RETREG1: variants seen among roughly 807,000 people sequenced by gnomAD.
RETREG1 encodes the protein family with sequence similarity 134 member B.
Under a neutral mutation model 54.8 loss-of-function variants are expected in RETREG1, and 44 were observed. The observed-to-expected ratio is 0.80, with a 90% CI of 0.63 to 1.03. The LOEUF is 1.03. RETREG1 is among the 50% of genes least tolerant of loss of function. The pLI is 0.00. For synonymous variants in RETREG1, 217 were observed against 238.5 expected, an observed-to-expected ratio of 0.91 and a Z score of 0.83; for missense variants, 554 against 605.1, an observed-to-expected ratio of 0.92 and a Z score of 0.89.
intron 3 of RETREG1, among the ~76,000 whole-genome samples, chr5:16,503,210 C>T (rs1739792025): frequency 6.6e-6 from 1 of 152,194 alleles, no homozygotes; most frequent in Admixed American, 6.5e-5. Context: ...GCAAAACAAA[C>T]TCAACAAACT....
intron 1 of RETREG1, among the ~76,000 whole-genome samples, chr5:16,578,327 T>C (rs1742392282): frequency 6.6e-6 from 1 of 152,276 alleles, no homozygotes; most frequent in Non-Finnish European, 1.5e-5. Context: ...TACAATTTGC[T>C]AGATTTATAA....
chr5:16,572,141 G>T (rs1230925787), intron 1 of RETREG1, 39 bp from the exon 2 acceptor site: 1 of 1,485,186 alleles, frequency 6.7e-7, no homozygotes. Flanking sequence ...TCAATTTGAG[G>T]ATTTTTAACC....
At chr5:16,614,294 T>C (rs1743431652) in intron 1 of RETREG1, among the ~76,000 whole-genome samples, 1 of 152,224 alleles carries the variant, frequency 6.6e-6, no homozygotes, top group Non-Finnish European at 1.5e-5. Flanking sequence ...CTAAAGTCTT[T>C]AATATAAAAA....
At chr5:16,546,307 A>G (rs969450111) in intron 3 of RETREG1, among the ~76,000 whole-genome samples, 4 of 152,084 alleles carry the variant, frequency 2.6e-5, no homozygotes, top group African/African-American at 9.7e-5. Context: ...AGCTGGAACC[A>G]CAGGCGGTGT....
Position 16,474,794 on chromosome 5 carries a change from G to A in RETREG1, c.1441C>T (p.Gln481Ter). 6.2e-7 allele frequency: 1 copy of A among 1,612,242 alleles called. No homozygotes were observed. The highest frequency in any genetic ancestry group is 8.5e-7 in the Non-Finnish European group (1 of 1,179,742). ...GLTQDQEAEAQQNKKSSGFLS... is the reference protein window; with the variant it reads ...GLTQDQEAEA ...AAACCTGAAGACTTCTTATTTTGCT[G>A]TGCTTCTGCTTCCTGGTCTTGTGTA... The change falls in exon 9 of 9, where the codon CAG becomes TAG. Residue 481 changes from glutamine to a stop codon, truncating the protein, a stop_gained. Transcript: ENST00000306320. LOFTEE classifies it high-confidence loss of function.
At chr5:16,498,171 G>A (rs907250931) in intron 3 of RETREG1, among the ~76,000 whole-genome samples, 1 of 152,172 alleles carries the variant, frequency 6.6e-6, no homozygotes, top group African/African-American at 2.4e-5. Flanking sequence ...TACCAATGGG[G>A]ATATGTTCTA....
chr5:16,599,639 T>C (rs1561135118), intron 1 of RETREG1, among the ~76,000 whole-genome samples: 1 of 152,168 alleles, frequency 6.6e-6, no homozygotes, highest in African/African-American at 2.4e-5. Flanking sequence ...CTGGGATACA[T>C]GCCTGAAGCA....
intron 3 of RETREG1, among the ~76,000 whole-genome samples, chr5:16,492,708 T>G (rs1739297928): frequency 6.6e-6 from 1 of 152,202 alleles, no homozygotes; most frequent in Non-Finnish European, 1.5e-5. Context: ...TAGTGTAATG[T>G]GTTAGAATTT....
At chr5:16,501,163 A>G (rs1275038512) in intron 3 of RETREG1, among the ~76,000 whole-genome samples, 1 of 152,262 alleles carries the variant, frequency 6.6e-6, no homozygotes, top group Admixed American at 6.5e-5. Context: ...ACTAAAGTGA[A>G]TATTTAACAT....
chr5:16,528,899 T>C (rs1740823665), intron 3 of RETREG1, among the ~76,000 whole-genome samples: 1 of 151,652 alleles, frequency 6.6e-6, no homozygotes, highest in Non-Finnish European at 1.5e-5. Context: ...CAGATGAGCG[T>C]GGGCCATAAT....
chr5:16,501,536 T>TA (rs55774587), intron 3 of RETREG1, among the ~76,000 whole-genome samples: 1 of 152,086 alleles, frequency 6.6e-6, no homozygotes, highest in African/African-American at 2.4e-5. Context: ...TTTATTTTTT[T>TA]ATTTTTATTT....
chr5:16,528,522 G>A (rs1407688155), intron 3 of RETREG1, among the ~76,000 whole-genome samples: 5 of 152,120 alleles, frequency 3.3e-5, no homozygotes, highest in Non-Finnish European at 5.9e-5. Flanking sequence ...AGTCTCTTCA[G>A]GAGCAAAAGA....
chr5:16,485,192 C>T (rs1349070126), intron 3 of RETREG1, among the ~76,000 whole-genome samples: 1 of 152,096 alleles, frequency 6.6e-6, no homozygotes, highest in East Asian at 1.9e-4. Context: ...ACAGGCTAAG[C>T]TACTGTTCAG....
At chr5:16,576,912 G>T (rs570954681) in intron 1 of RETREG1, among the ~76,000 whole-genome samples, 43 of 152,284 alleles carry the variant, frequency 2.8e-4, no homozygotes, top group African/African-American at 1.0e-3. Context: ...ACCGCGCCTG[G>T]CCAAAAACAA....
At chr5:16,612,002 T>G (rs1375556348) in intron 1 of RETREG1, among the ~76,000 whole-genome samples, 3 of 150,338 alleles carry the variant, frequency 2.0e-5, no homozygotes, top group African/African-American at 4.9e-5. Flanking sequence ...GAGGTGGAGG[T>G]TGCAGTGAGC....
At chr5:16,499,995 C>T (rs1214672870) in intron 3 of RETREG1, among the ~76,000 whole-genome samples, 1 of 152,224 alleles carries the variant, frequency 6.6e-6, no homozygotes, top group Non-Finnish European at 1.5e-5. Context: ...ATAACAATTA[C>T]ACCTAGGGCA....
At chr5:16,517,821 C>A (rs988598539) in intron 3 of RETREG1, among the ~76,000 whole-genome samples, 6 of 152,074 alleles carry the variant, frequency 3.9e-5, no homozygotes, top group African/African-American at 1.4e-4. Flanking sequence ...ATCACACACA[C>A]AAAATTTAAA....
At position 16,616,939 on chromosome 5, in the gene RETREG1, C is replaced by G; in HGVS notation, c.33G>C (p.Glu11Asp). The change falls in exon 1 of 9, where the codon GAG becomes GAC. Residue 11 changes from glutamate (E) to aspartate (D), a missense_variant. Glu to Asp is a conservative substitution (Grantham distance 45). Transcript: ENST00000306320. ...CGGCGGCAGGAGCCGGGCATCCCTCCTCGGCGTGCTCCGGAGGCGCCGGGC... is the reference window on the plus strand; with the variant it reads ...CGGCGGCAGGAGCCGGGCATCCCTCGTCGGCGTGCTCCGGAGGCGCCGGGC... MASPAPPEHA[E>D]EGCPAPAAEE... 1 of 1,461,486 alleles carries G rather than the reference C, an allele frequency of 6.8e-7. No homozygotes were observed. Among genetic ancestry groups the G allele is most frequent in the East Asian group, 3.0e-5 (1 of 33,650 alleles). 90.5% of individuals were successfully genotyped at this position (1,461,486 alleles called of 1,614,324 possible). A position where few individuals can be genotyped will look rare whatever the true frequency, so the allele number is the denominator to read the frequency against.
chr5:16,558,815 T>G (rs1362350177), intron 3 of RETREG1, among the ~76,000 whole-genome samples: 2 of 152,208 alleles, frequency 1.3e-5, no homozygotes, highest in African/African-American at 2.4e-5. Context: ...ATTTAATGCT[T>G]TTTATTTGGG....
Sources: allele counts gnomAD v4.1 joint callset (sites outside exome capture counted in the v4.1 genomes callset), GRCh38; gene constraint gnomAD v4.1.1; transcripts MANE v1.5; gene names NCBI Gene and HGNC (gene_info 2026-07-23, HGNC 2026-07-21).